TRPM3: variants seen among roughly 807,000 people sequenced by gnomAD.
The protein encoded by TRPM3 is transient receptor potential cation channel subfamily M member 3, also known as long transient receptor potential channel 3.
A neutral mutation model predicts 181.2 loss-of-function variants in TRPM3; 77 were observed. That is an observed-to-expected ratio of 0.42 (90% CI 0.35 to 0.51). The LOEUF is 0.51. TRPM3 is among the 20% of genes least tolerant of loss of function. The probability of loss-of-function intolerance (pLI) is 0.01; values close to 1 mark genes in which losing one functional copy is unlikely to be tolerated. For synonymous variants in TRPM3, 745 were observed against 796.4 expected (o/e 0.94, Z 1.09); for missense variants, 1,759 against 2,196.7 (o/e 0.80, Z 3.98).
At chr9:70,758,754 G>A (rs2135239627) in intron 8 of TRPM3, among the ~76,000 whole-genome samples, 1 of 152,298 alleles carries the variant, frequency 6.6e-6, no homozygotes, top group East Asian at 1.9e-4. Flanking sequence ...TTAATAAATG[G>A]TGTTGGGAAA....
chr9:70,933,901 G>A (rs527966710), intron 1 of TRPM3, among the ~76,000 whole-genome samples: 11 of 152,110 alleles, frequency 7.2e-5, no homozygotes, highest in South Asian at 2.1e-4. Flanking sequence ...ATAGGAGGAA[G>A]GGAGCTCCCT....
chr9:71,064,264 C>G (rs993376326), intron 1 of TRPM3, among the ~76,000 whole-genome samples: 1 of 152,008 alleles, frequency 6.6e-6, no homozygotes, highest in Non-Finnish European at 1.5e-5. Context: ...CACTGGAGGT[C>G]CAATAGTTTG....
At chr9:70,787,104 A>G (rs748120707) in intron 6 of TRPM3, among the ~76,000 whole-genome samples, 1 of 152,226 alleles carries the variant, frequency 6.6e-6, no homozygotes, top group Non-Finnish European at 1.5e-5. Flanking sequence ...ATACATGGTC[A>G]GTTTATTCTC....
chr9:70,607,628 TG>T (rs2061388584), intron 19 of TRPM3, among the ~76,000 whole-genome samples: 1 of 152,188 alleles, frequency 6.6e-6, no homozygotes, highest in African/African-American at 2.4e-5. Flanking sequence ...AAGATTCGCC[TG>T]GGAAGCTGGT....
chr9:71,244,250 G>C (rs1412573219), intron 1 of TRPM3, among the ~76,000 whole-genome samples: 3 of 152,180 alleles, frequency 2.0e-5, no homozygotes, highest in African/African-American at 7.2e-5. Flanking sequence ...GAGGTGGTCA[G>C]AGGGAGGCCA....
At chr9:71,164,799 C>CACT (rs2134737146) in intron 1 of TRPM3, among the ~76,000 whole-genome samples, 1 of 152,240 alleles carries the variant, frequency 6.6e-6, no homozygotes, top group East Asian at 1.9e-4. Context: ...CTGATATATT[C>CACT]AGAGATGGTT....
At position 71,391,367 on chromosome 9, in the gene TRPM3, A is replaced by G. The variant is rs548654942; in HGVS notation, c.183+55286T>C. ...CCATGATAATACTCAAGCAACTACAACTGTCTACTTCTCTTTCTTTCTATG... is the reference window on the plus strand; with the variant it reads ...CCATGATAATACTCAAGCAACTACAGCTGTCTACTTCTCTTTCTTTCTATG... On this transcript the variant is annotated intron_variant, in intron 1 of 24. Coordinates refer to the TRPM3 transcript ENST00000357533. Among the ~76,000 whole-genome samples the G allele has an allele frequency of 2.0e-5, 3 of 152,032 alleles. No individual in the cohort carries two copies. The South Asian group carries it at 6.2e-4, about 32-fold the overall frequency.
intron 1 of TRPM3, among the ~76,000 whole-genome samples, chr9:71,417,011 T>C (rs2131500029): frequency 6.6e-6 from 1 of 152,132 alleles, no homozygotes; most frequent in Non-Finnish European, 1.5e-5. Context: ...AGTTCATTCT[T>C]TTTTATTGCT....
chr9:71,231,620 C>G (rs2131906709), intron 1 of TRPM3, among the ~76,000 whole-genome samples: 1 of 152,258 alleles, frequency 6.6e-6, no homozygotes, highest in Admixed American at 6.5e-5. Flanking sequence ...ACAAATGTTT[C>G]CCCTTTGCAG....
At chr9:70,739,427 A>G (rs546904323) in intron 8 of TRPM3, among the ~76,000 whole-genome samples, 1 of 152,326 alleles carries the variant, frequency 6.6e-6, no homozygotes, top group African/African-American at 2.4e-5. Context: ...AAAATCCAGC[A>G]TCACTTTATG....
intron 25 of TRPM3, among the ~76,000 whole-genome samples, chr9:70,548,139 A>G (rs2045524424): frequency 6.6e-6 from 1 of 152,250 alleles, no homozygotes; most frequent in African/African-American, 2.4e-5. Flanking sequence ...ATGTGTCCAC[A>G]TAGAACAATT....
Position 70,625,086 on chromosome 9 carries a change from G to A in TRPM3, c.1809+105C>T, listed in dbSNP as rs118009487. 0.035 allele frequency: 44,987 copies of A among 1,272,538 alleles called. 955 individuals carry two copies. The highest frequency in any genetic ancestry group is 0.043 in the Non-Finnish European group (40,302 of 934,260). 78.8% of individuals were successfully genotyped at this position (1,272,538 alleles called of 1,614,324 possible). On this transcript the variant is annotated intron_variant, in intron 14 of 25. Coordinates refer to ENST00000677713, the MANE Select transcript of TRPM3 (RefSeq NM_001366145.2). The surrounding 1 kb of genome is among the most constrained non-coding windows in gnomAD (Gnocchi z 4.8). ...TTGATTGTTTAGGTTCACTCTCAGC[G>A]CAATTTTCTGATTTTAATTCCCCTT...
Position 70,843,114 on chromosome 9 carries a change from A to G in TRPM3, c.690T>C (p.His230=), listed in dbSNP as rs773309507. 6.0e-5 allele frequency: 95 copies of G among 1,584,092 alleles called. No individual in the cohort carries two copies. The South Asian group carries it at 1.0e-3, about 17-fold the overall frequency. The change falls in exon 5 of 26, where the codon CAT becomes CAC. Residue 230 remains histidine (H), a synonymous_variant. Transcript: ENST00000677713. ...CATGATCCTTCAAGGCATCGCCAACATGACGAATAACACCTAAAAAAAAAA... is the reference window on the plus strand; with the variant it reads ...CATGATCCTTCAAGGCATCGCCAACGTGACGAATAACACCTAAAAAAAAAA... ...TGGVNTGVIR[H]VGDALKDHAS... is the part of the protein sequence containing the mutation.
chr9:71,057,111 C>T (rs78793378), intron 1 of TRPM3, among the ~76,000 whole-genome samples: 1 of 152,010 alleles, frequency 6.6e-6, no homozygotes, highest in African/African-American at 2.4e-5. Flanking sequence ...ATGCCATCTG[C>T]TCATGACCCC....
intron 1 of TRPM3, among the ~76,000 whole-genome samples, chr9:71,199,755 T>C (rs2131720202): frequency 6.6e-6 from 1 of 151,896 alleles, no homozygotes; most frequent in South Asian, 2.1e-4. Flanking sequence ...TATTTGATTC[T>C]TCTCTCTTTT....
At chr9:70,940,217 A>C (rs1195758926) in intron 1 of TRPM3, among the ~76,000 whole-genome samples, 1 of 152,234 alleles carries the variant, frequency 6.6e-6, no homozygotes, top group African/African-American at 2.4e-5. Flanking sequence ...TGAGGTAGAT[A>C]GTTAATATCT....
chr9:70,666,386 T>A (rs2061848953), intron 9 of TRPM3, among the ~76,000 whole-genome samples: 2 of 152,202 alleles, frequency 1.3e-5, no homozygotes, highest in African/African-American at 2.4e-5. Flanking sequence ...ATTTTTTGGT[T>A]TCCTCTTTCA....
chr9:71,420,624 AAAG>A (rs917898680), intron 1 of TRPM3, among the ~76,000 whole-genome samples: 2 of 144,478 alleles, frequency 1.4e-5, no homozygotes, highest in African/African-American at 5.1e-5. Context: ...AAAGACAGAA[AAAG>A]AAAAAGAAAA....
At chr9:70,864,367 T>C (rs1416824213) in intron 2 of TRPM3, 65 bp downstream of exon 2, 2 of 1,132,668 alleles carry the variant, frequency 1.8e-6, no homozygotes, top group African/African-American at 1.6e-5. Context: ...AGGTCATGAT[T>C]ACTCTTGCAG....
Sources: allele counts gnomAD v4.1 joint callset (sites outside exome capture counted in the v4.1 genomes callset), GRCh38; gene constraint gnomAD v4.1.1; non-coding constraint Gnocchi (gnomAD v3.1); transcripts MANE v1.5; gene names NCBI Gene and HGNC (gene_info 2026-07-23, HGNC 2026-07-21).